ASAP1: variants seen among roughly 807,000 people sequenced by gnomAD.
ASAP1 encodes the protein arf-GAP with SH3 domain, ANK repeat and PH domain-containing protein 1.
In ASAP1, 43 loss-of-function variants were observed where a neutral mutation model predicts 145.2. The ratio of observed to expected loss-of-function variants is 0.30; its 90% CI spans 0.23 to 0.38. The LOEUF is 0.38. Ranked by LOEUF, ASAP1 falls within the 10% of genes least tolerant of loss-of-function variation. The pLI is 1.00. For synonymous variants in ASAP1, 546 were observed against 515.5 expected (o/e 1.06, Z -0.80); for missense variants, 1,018 against 1,355.3 (o/e 0.75, Z 3.91).
At chr8:130,349,231 C>T (rs7018225) in intron 3 of ASAP1, among the ~76,000 whole-genome samples, 86,312 of 151,960 alleles carry the variant, frequency 0.57, 24,729 homozygotes, top group Non-Finnish European at 0.59. Flanking sequence ...TGGTGTTGCC[C>T]TAGTCCTCTC....
chr8:130,128,499 G>A (rs1211638905), intron 15 of ASAP1, among the ~76,000 whole-genome samples: 2 of 152,056 alleles, frequency 1.3e-5, no homozygotes, highest in Non-Finnish European at 2.9e-5. Context: ...AAATGGAGAG[G>A]AGCCAGGAAA....
intron 2 of ASAP1, among the ~76,000 whole-genome samples, chr8:130,399,381 A>G (rs1348324878): frequency 6.6e-6 from 1 of 152,256 alleles, no homozygotes; most frequent in Non-Finnish European, 1.5e-5. Context: ...TATTGCAATT[A>G]TAATTAATAT....
chr8:130,262,434 GA>G (rs1819984495), intron 3 of ASAP1, among the ~76,000 whole-genome samples: 1 of 137,438 alleles, frequency 7.3e-6, no homozygotes, highest in African/African-American at 2.7e-5. Flanking sequence ...GAGAGAGAGA[GA>G]GAGAGAGAGA....
chr8:130,391,540 T>A (rs1702319835), intron 2 of ASAP1, among the ~76,000 whole-genome samples: 1 of 152,222 alleles, frequency 6.6e-6, no homozygotes, highest in Non-Finnish European at 1.5e-5. Flanking sequence ...TCCTCATGGC[T>A]TTGAGAAAAT....
chr8:130,335,886 T>C (rs1825002556), intron 3 of ASAP1, among the ~76,000 whole-genome samples: 2 of 152,180 alleles, frequency 1.3e-5, no homozygotes, highest in East Asian at 3.9e-4. Flanking sequence ...TTATAGTACT[T>C]CTGAGTCAGT....
Position 130,333,684 on chromosome 8 carries a change from T to A in ASAP1, c.186+24333A>T, listed in dbSNP as rs1032669627. Among the ~76,000 whole-genome samples, 6 of 152,358 alleles carry A rather than the reference T, an allele frequency of 3.9e-5. No individual in the cohort carries two copies. In the South Asian group the frequency reaches 1.0e-3, roughly 26 times the overall value. ...TAAAGTATGGCAGGGCATATTGCCA[T>A]CATGAAACAGAAAGGTTCATATACA... On this transcript the variant is annotated intron_variant, in intron 3 of 29. Transcript: ENST00000518721.
intron 13 of ASAP1, among the ~76,000 whole-genome samples, chr8:130,139,837 T>C (rs1188628927): frequency 6.6e-6 from 1 of 151,700 alleles, no homozygotes; most frequent in Non-Finnish European, 1.5e-5. Flanking sequence ...GTTAACTTTA[T>C]TTTTTAATTC....
chr8:130,086,437 G>A (rs1174530316), intron 25 of ASAP1, among the ~76,000 whole-genome samples: 1 of 152,198 alleles, frequency 6.6e-6, no homozygotes, highest in Admixed American at 6.5e-5. Flanking sequence ...TATTACGTAC[G>A]TAGTTTTTTA....
At chr8:130,423,302 A>G (rs1030123189) in intron 1 of ASAP1, among the ~76,000 whole-genome samples, 3 of 152,330 alleles carry the variant, frequency 2.0e-5, no homozygotes, top group Admixed American at 6.5e-5. Flanking sequence ...TCTTTAGTCC[A>G]TCAGCTATGC....
At chr8:130,134,831 CT>C (rs771399647) in intron 14 of ASAP1, among the ~76,000 whole-genome samples, 7 of 151,624 alleles carry the variant, frequency 4.6e-5, no homozygotes, top group South Asian at 2.1e-4. Context: ...ACTGTGTTTT[CT>C]TTTTTTTTAA....
chr8:130,402,919 G>GT (rs1565286655), intron 1 of ASAP1, among the ~76,000 whole-genome samples: 122 of 148,310 alleles, frequency 8.2e-4, no homozygotes, highest in South Asian at 1.1e-3. Context: ...TCTTTTGTGG[G>GT]GTTTTTTTTT....
intron 3 of ASAP1, among the ~76,000 whole-genome samples, chr8:130,350,519 C>T (rs1043729789): frequency 3.3e-5 from 5 of 152,210 alleles, no homozygotes. Context: ...AACTGGCAAT[C>T]CAAGCATCTG....
At chr8:130,361,126 C>G (rs771733166) in intron 2 of ASAP1, 2 of 159,062 alleles carry the variant, frequency 1.3e-5, no homozygotes, top group Non-Finnish European at 2.8e-5. Context: ...CACCTGTCAC[C>G]TCCACTGAGG....
chr8:130,124,326 C>T (rs1008569666), intron 17 of ASAP1, among the ~76,000 whole-genome samples: 4 of 152,194 alleles, frequency 2.6e-5, no homozygotes, highest in African/African-American at 9.7e-5. Flanking sequence ...ACTATGTTCC[C>T]TTTCCATAGA....
chr8:130,319,581 T>C (rs184399233), intron 3 of ASAP1, among the ~76,000 whole-genome samples: 2 of 152,304 alleles, frequency 1.3e-5, no homozygotes, highest in East Asian at 1.9e-4. Flanking sequence ...TGGGACACAC[T>C]GGCATCCACT....
chr8:130,078,014 C>T (rs114156474), intron 26 of ASAP1, among the ~76,000 whole-genome samples: 2,992 of 145,914 alleles, frequency 0.021, 47 homozygotes, highest in Middle Eastern at 0.057. Context: ...TTTTTTGAGA[C>T]GAAGTCTCGC....
At chr8:130,340,291 G>T (rs1348407259) in intron 3 of ASAP1, among the ~76,000 whole-genome samples, 1 of 152,186 alleles carries the variant, frequency 6.6e-6, no homozygotes, top group Non-Finnish European at 1.5e-5. Flanking sequence ...TCTCTGAGAG[G>T]AAGAAGACAG....
At chr8:130,108,038 T>G (rs1397993943) in intron 24 of ASAP1, among the ~76,000 whole-genome samples, 1 of 152,222 alleles carries the variant, frequency 6.6e-6, no homozygotes, top group Non-Finnish European at 1.5e-5. Context: ...AGTTAGTCTC[T>G]TCACCTACCT....
intron 2 of ASAP1, among the ~76,000 whole-genome samples, chr8:130,371,179 C>A (rs2138285759): frequency 6.6e-6 from 1 of 152,240 alleles, no homozygotes; most frequent in Middle Eastern, 3.4e-3. Flanking sequence ...TTTTCTTTAA[C>A]CCTCACTGCA....
Sources: allele counts gnomAD v4.1 joint callset (sites outside exome capture counted in the v4.1 genomes callset), GRCh38; gene constraint gnomAD v4.1.1; transcripts MANE v1.5; gene names NCBI Gene and HGNC (gene_info 2026-07-23, HGNC 2026-07-21).